Variants in SORCS2 observed in about 807,000 individuals in gnomAD.
SORCS2 encodes sortilin related VPS10 domain containing receptor 2.
In SORCS2, 100 loss-of-function variants were observed where a neutral mutation model predicts 141.6. The ratio of observed to expected loss-of-function variants is 0.71; its 90% CI spans 0.60 to 0.83. SORCS2 has a LOEUF of 0.83. SORCS2 is among the 40% of genes least tolerant of loss of function. The pLI is 0.00. For missense variants in SORCS2, 1,646 were observed against 1,560.2 expected (o/e 1.05, Z -0.93); for synonymous variants, 789 against 676.9 (o/e 1.17, Z -2.57).
rs189334659 is a variant in SORCS2 at position 7,323,513 on chromosome 4, G to A, written c.481-72775G>A. Among the ~76,000 whole-genome samples, 73 of 152,230 alleles carry A rather than the reference G, an allele frequency of 4.8e-4. No homozygotes were observed. In the Middle Eastern group the frequency reaches 0.017, roughly 35 times the overall value. On this transcript the variant is annotated intron_variant, in intron 1 of 26. Coordinates refer to ENST00000507866, the MANE Select transcript of SORCS2 (RefSeq NM_020777.3). ...ACTCCCACACCCATGGCTCTGAGGG[G>A]GGTCAGAGCACCAGGAGGGCTGGGA...
At chr4:7,567,661 G>A (rs112450233) in intron 3 of SORCS2, among the ~76,000 whole-genome samples, 4,201 of 152,178 alleles carry the variant, frequency 0.028, 166 homozygotes, top group African/African-American at 0.088. Flanking sequence ...TCTCTTTGGC[G>A]CCCTTTGCAC....
At chr4:7,393,224 T>C (rs1424533146) in intron 1 of SORCS2, among the ~76,000 whole-genome samples, 2 of 152,230 alleles carry the variant, frequency 1.3e-5, no homozygotes, top group East Asian at 1.9e-4. Flanking sequence ...CCCTGTGGGC[T>C]GCGGGCTCAG....
intron 1 of SORCS2, among the ~76,000 whole-genome samples, chr4:7,265,281 A>G (rs566763804): frequency 2.0e-5 from 3 of 152,272 alleles, no homozygotes; most frequent in African/African-American, 7.2e-5. Flanking sequence ...TCACGAGGTC[A>G]AGAGATTGAG....
At chr4:7,698,754 G>A (rs1378425835) in intron 12 of SORCS2, among the ~76,000 whole-genome samples, 2 of 152,278 alleles carry the variant, frequency 1.3e-5, no homozygotes, top group Admixed American at 6.5e-5. Flanking sequence ...AGATGGCGCA[G>A]TGCAGGAAGG....
chr4:7,690,067 G>A (rs1724126568), intron 11 of SORCS2, among the ~76,000 whole-genome samples: 1 of 140,184 alleles, frequency 7.1e-6, no homozygotes, highest in Non-Finnish European at 1.6e-5. Flanking sequence ...TTGATGGATG[G>A]ATAGATGAAT....
chr4:7,328,311 C>T (rs984289956), intron 1 of SORCS2, among the ~76,000 whole-genome samples: 1 of 151,576 alleles, frequency 6.6e-6, no homozygotes, highest in African/African-American at 2.4e-5. Context: ...GCTGGGTTTA[C>T]AGGCATGAGC....
At chr4:7,492,965 C>T (rs1268080558) in intron 2 of SORCS2, among the ~76,000 whole-genome samples, 2 of 152,204 alleles carry the variant, frequency 1.3e-5, no homozygotes, top group African/African-American at 4.8e-5. Flanking sequence ...TCAAAGGCAA[C>T]AGAAGTTCAT....
rs1182029399 is a variant in SORCS2, at chr4:7,463,710, G to T, written c.548+67355G>T. On this transcript the variant is annotated intron_variant, in intron 2 of 26. Transcript: ENST00000507866. ...GTAGGGAGGAAAGTTGGGCGGGCTTGGGGAGACGGTGGTGCCACTCTCCTG... is the reference window on the plus strand; with the variant it reads ...GTAGGGAGGAAAGTTGGGCGGGCTTTGGGAGACGGTGGTGCCACTCTCCTG... Among the ~76,000 whole-genome samples the T allele has an allele frequency of 3.3e-5, 5 of 152,348 alleles. No individual in the cohort carries two copies. In the East Asian group the frequency reaches 9.6e-4, roughly 29 times the overall value.
chr4:7,597,296 G>A (rs1005245086), intron 3 of SORCS2, among the ~76,000 whole-genome samples: 10 of 150,962 alleles, frequency 6.6e-5, no homozygotes, highest in Admixed American at 1.3e-4. Flanking sequence ...GATTGCAATC[G>A]GAGATGGGGC....
At chr4:7,406,799 T>A (rs999289213) in intron 2 of SORCS2, among the ~76,000 whole-genome samples, 1 of 151,942 alleles carries the variant, frequency 6.6e-6, no homozygotes, top group Non-Finnish European at 1.5e-5. Context: ...AGTTCCTTGA[T>A]TTTTTAAAGT....
intron 2 of SORCS2, among the ~76,000 whole-genome samples, chr4:7,453,010 G>T (rs1191556490): frequency 1.6e-5 from 2 of 123,882 alleles, no homozygotes; most frequent in Non-Finnish European, 3.6e-5. Context: ...GTCAGGCGCC[G>T]TGTTGGGGTC....
chr4:7,729,526 C>G, intron 22 of SORCS2, 61 bp from the exon 23 acceptor site: 2 of 1,533,362 alleles, frequency 1.3e-6, no homozygotes, highest in Non-Finnish European at 1.8e-6. Flanking sequence ...CCTGGGGGCC[C>G]CAGTATGAGG....
intron 1 of SORCS2, among the ~76,000 whole-genome samples, chr4:7,258,096 T>C (rs1254369013): frequency 6.6e-6 from 1 of 152,252 alleles, no homozygotes; most frequent in Non-Finnish European, 1.5e-5. Flanking sequence ...TGTCCCCTGC[T>C]GACTCCTTGG....
chr4:7,706,889 G>T (rs1224418237), intron 14 of SORCS2, among the ~76,000 whole-genome samples: 1 of 152,186 alleles, frequency 6.6e-6, no homozygotes, highest in Non-Finnish European at 1.5e-5. Flanking sequence ...TTGGGCAGAC[G>T]CAACCCCTGA....
At chr4:7,476,280 A>T (rs192464080) in intron 2 of SORCS2, among the ~76,000 whole-genome samples, 1 of 152,184 alleles carries the variant, frequency 6.6e-6, no homozygotes, top group Non-Finnish European at 1.5e-5. Context: ...AACTTGGCTC[A>T]TGCAATTGTT....
At chr4:7,330,333 G>C (rs576626169) in intron 1 of SORCS2, among the ~76,000 whole-genome samples, 1 of 152,058 alleles carries the variant, frequency 6.6e-6, no homozygotes, top group East Asian at 1.9e-4. Context: ...ACCTTTTAGG[G>C]GCTGTGATTC....
At chr4:7,473,344 A>T (rs1228738411) in intron 2 of SORCS2, among the ~76,000 whole-genome samples, 1 of 152,176 alleles carries the variant, frequency 6.6e-6, no homozygotes, top group Admixed American at 6.5e-5. Context: ...CCCAGGGGCA[A>T]TTGGGTGCCT....
At chr4:7,335,562 C>T (rs3892211) in intron 1 of SORCS2, among the ~76,000 whole-genome samples, 3,983 of 152,308 alleles carry the variant, frequency 0.026, 184 homozygotes, top group African/African-American at 0.091. Context: ...CACCCGAGGA[C>T]GGCCAGTTCA....
chr4:7,425,882 C>G (rs894901943), intron 2 of SORCS2, among the ~76,000 whole-genome samples: 1 of 152,266 alleles, frequency 6.6e-6, no homozygotes, highest in Non-Finnish European at 1.5e-5. Context: ...GTCCACACTT[C>G]CGGGCCCTGG....
Sources: gnomAD v4.1 joint callset for allele counts (sites outside exome capture counted in the v4.1 genomes callset) on GRCh38, gnomAD v4.1.1 for gene constraint, MANE v1.5 for transcripts, NCBI Gene and HGNC (gene_info 2026-07-23, HGNC 2026-07-21) for gene names.